DCAF8L2: variants seen among roughly 807,000 people sequenced by gnomAD.
DCAF8L2 encodes DDB1 and CUL4 associated factor 8 like 2.
For synonymous variants in DCAF8L2, 200 were observed against 190.9 expected, an observed-to-expected ratio of 1.05 and a Z score of -0.39; for missense variants, 430 against 490.7, an observed-to-expected ratio of 0.88 and a Z score of 1.17.
intron 3 of DCAF8L2, among the ~76,000 whole-genome samples, chrX:27,702,083 C>T (rs1392107060): frequency 9.0e-6 from 1 of 111,019 alleles, no homozygotes; most frequent in Non-Finnish European, 1.9e-5. Flanking sequence ...ATGTGAATAA[C>T]TGCATGCCAC....
Position 27,746,855 on chromosome X carries a change from C to A in DCAF8L2, c.-41C>A, listed in dbSNP as rs768618306. On this transcript the variant is annotated 5_prime_UTR_variant, in exon 5 of 5. Transcript: ENST00000451261. ...CTTCCCAGAGCTTTTAGGGGCCTGG[C>A]CTTTGCAGTTCCAGATCTACTACAG... The A allele has an allele frequency of 7.0e-6, 8 of 1,145,552 alleles. No homozygotes were observed. The South Asian group carries it at 1.4e-4, about 21-fold the overall frequency. The allele number at this position is 1,145,552 out of a possible 1,213,427, so 94.4% of individuals were successfully genotyped here.
the DCAF8L2 span, among the ~76,000 whole-genome samples, chrX:27,498,589 C>G: frequency 1.8e-5 from 2 of 112,344 alleles, no homozygotes; most frequent in Admixed American, 9.4e-5. Flanking sequence ...GGTCTACTCT[C>G]TTAGCATATT....
intron 2 of DCAF8L2, among the ~76,000 whole-genome samples, chrX:27,660,862 G>T (rs1225155667): frequency 1.8e-5 from 2 of 112,350 alleles, no homozygotes; most frequent in Non-Finnish European, 3.8e-5. Context: ...TTCCTGGGGT[G>T]TAGTAAACAG....
At chrX:27,607,630 C>T (rs1442803884) in intron 1 of DCAF8L2, among the ~76,000 whole-genome samples, 2 of 111,756 alleles carry the variant, frequency 1.8e-5, no homozygotes, top group African/African-American at 6.5e-5. Context: ...ATTCAGCACT[C>T]TTGCTGCACG....
At chrX:27,701,117 A>G (rs1293195505) in intron 3 of DCAF8L2, among the ~76,000 whole-genome samples, 2 of 111,578 alleles carry the variant, frequency 1.8e-5, no homozygotes, top group South Asian at 3.7e-4. Flanking sequence ...AAGCTTCATT[A>G]TGGGATGTTT....
chrX:27,745,137 A>T (rs1415450205), intron 4 of DCAF8L2, among the ~76,000 whole-genome samples: 7 of 112,111 alleles, frequency 6.2e-5, no homozygotes, highest in Non-Finnish European at 1.3e-4. Flanking sequence ...TATGCAATAT[A>T]TCATACACAT....
At chrX:27,669,936 G>A (rs1049208352) in intron 2 of DCAF8L2, among the ~76,000 whole-genome samples, 4 of 111,395 alleles carry the variant, frequency 3.6e-5, no homozygotes, top group African/African-American at 9.8e-5. Context: ...ATAAACATAC[G>A]TGTGCATGTG....
the DCAF8L2 span, among the ~76,000 whole-genome samples, chrX:27,581,862 G>C: frequency 8.9e-6 from 1 of 112,235 alleles, no homozygotes; most frequent in Non-Finnish European, 1.9e-5. Flanking sequence ...GGGATTACAG[G>C]CGTGAGCCGC....
At chrX:27,739,397 A>T in intron 4 of DCAF8L2, among the ~76,000 whole-genome samples, 1 of 111,692 alleles carries the variant, frequency 9.0e-6, no homozygotes, top group East Asian at 2.8e-4. Flanking sequence ...TTGTAAAATA[A>T]TTTCTACACT....
At chrX:27,504,938 T>G in the DCAF8L2 span, among the ~76,000 whole-genome samples, 1 of 111,148 alleles carries the variant, frequency 9.0e-6, no homozygotes, top group Admixed American at 9.6e-5. Context: ...TGGCAGAACT[T>G]TTTCCTGTAT....
chrX:27,603,933 G>A (rs893124432), intron 1 of DCAF8L2, among the ~76,000 whole-genome samples: 1 of 111,188 alleles, frequency 9.0e-6, no homozygotes, highest in Non-Finnish European at 1.9e-5. Context: ...GTAGCTATTG[G>A]CACTCATATC....
intron 1 of DCAF8L2, among the ~76,000 whole-genome samples, chrX:27,604,489 A>G (rs752989888): frequency 6.3e-5 from 7 of 111,443 alleles, no homozygotes; most frequent in African/African-American, 2.0e-4. Flanking sequence ...ACCACACATT[A>G]CATCTTCCAC....
the DCAF8L2 span, among the ~76,000 whole-genome samples, chrX:27,557,558 T>G: frequency 9.0e-6 from 1 of 111,529 alleles, no homozygotes; most frequent in Non-Finnish European, 1.9e-5. Flanking sequence ...ACAAGATGCT[T>G]ATTAGTGAAG....
intron 4 of DCAF8L2, among the ~76,000 whole-genome samples, chrX:27,736,452 C>G (rs764598205): frequency 8.9e-5 from 10 of 112,071 alleles, no homozygotes; most frequent in Admixed American, 1.9e-4. Context: ...ATGGATGAAT[C>G]AAAAGCAATA....
At chrX:27,533,768 T>G in the DCAF8L2 span, among the ~76,000 whole-genome samples, 1 of 112,482 alleles carries the variant, frequency 8.9e-6, no homozygotes, top group Non-Finnish European at 1.9e-5. Context: ...CTCTTCCAGA[T>G]TAAAGGAAAT....
chrX:27,538,433 G>A, the DCAF8L2 span, among the ~76,000 whole-genome samples: 6 of 109,876 alleles, frequency 5.5e-5, no homozygotes, highest in South Asian at 3.9e-4. Flanking sequence ...TTGCTTTGTC[G>A]CCCAGGCTGG....
At position 27,590,376 on chromosome X, in the gene DCAF8L2, A is replaced by G. The variant is rs1052048825; in HGVS notation, c.-406A>G. 3 of 111,548 alleles carry G rather than the reference A, an allele frequency of 2.7e-5. No individual in the cohort carries two copies. The highest frequency in any genetic ancestry group is 3.8e-5 in the Non-Finnish European group (2 of 53,127). The allele number at this position is 111,548 out of a possible 1,213,427, so 9.2% of individuals were successfully genotyped here. A position where few individuals can be genotyped will look rare whatever the true frequency, so the allele number is the denominator to read the frequency against. ...CGCAAAAGCTGAACATCCTCCCCAC[A>G]AGGTTATTTAGAAGACGTCTTGCAC... On this transcript the variant is annotated 5_prime_UTR_variant, in exon 1 of 5. Transcript: ENST00000451261.
chrX:27,513,737 T>C, the DCAF8L2 span, among the ~76,000 whole-genome samples: 1 of 107,262 alleles, frequency 9.3e-6, no homozygotes, highest in African/African-American at 3.4e-5. Flanking sequence ...AAGTCCTGCA[T>C]AGACATTTTT....
the DCAF8L2 span, among the ~76,000 whole-genome samples, chrX:27,514,475 C>T: frequency 1.9e-5 from 2 of 106,453 alleles, no homozygotes; most frequent in Admixed American, 2.0e-4. Context: ...CGAGACCATC[C>T]CGGCTAAAAC....
Sources: allele counts gnomAD v4.1 joint callset (sites outside exome capture counted in the v4.1 genomes callset), GRCh38; gene constraint gnomAD v4.1.1; transcripts MANE v1.5; gene names NCBI Gene and HGNC (gene_info 2026-07-23, HGNC 2026-07-21).